The following KANSL1 variants were observed in gnomAD, a reference collection of about 807,000 sequenced individuals.
KANSL1 encodes the protein KAT8 regulatory NSL complex subunit 1.
Under a neutral mutation model 103.6 loss-of-function variants are expected in KANSL1, and 22 were observed. The ratio of observed to expected loss-of-function variants is 0.21; its 90% CI spans 0.15 to 0.30. The LOEUF (loss-of-function observed/expected upper bound fraction) is 0.30, where lower values mean the gene tolerates loss of function less well. Ranked by LOEUF, KANSL1 falls within the 10% of genes least tolerant of loss-of-function variation. The pLI is 1.00. For synonymous variants in KANSL1, 600 were observed against 527.6 expected (o/e 1.14, Z -1.88); for missense variants, 1,337 against 1,399.8 (o/e 0.96, Z 0.72).
At chr17:46,041,496 A>T (rs2077312116) in intron 7 of KANSL1, 1 of 152,146 alleles carries the variant, frequency 6.6e-6, no homozygotes, top group Non-Finnish European at 1.5e-5. Flanking sequence ...ATCGGTAACC[A>T]CTTGGGGCAT....
At chr17:46,101,774 A>G (rs1049157534) in intron 2 of KANSL1, among the ~76,000 whole-genome samples, 11 of 148,242 alleles carry the variant, frequency 7.4e-5, no homozygotes, top group East Asian at 1.9e-4. Flanking sequence ...AAAAAAAAAA[A>G]AAAAAGAAAT....
At chr17:46,113,545 G>A (rs1316708153) in intron 2 of KANSL1, among the ~76,000 whole-genome samples, 2 of 152,024 alleles carry the variant, frequency 1.3e-5, no homozygotes, top group East Asian at 3.9e-4. Flanking sequence ...TATAAGTGGG[G>A]CAAACTGTTT....
intron 2 of KANSL1, chr17:46,170,622 T>G (rs2046234342): frequency 1.9e-6 from 1 of 514,376 alleles, no homozygotes; most frequent in Non-Finnish European, 3.4e-6. Flanking sequence ...TTTCTTAGAC[T>G]TCAAAAGGAA....
intron 6 of KANSL1, among the ~76,000 whole-genome samples, chr17:46,058,761 T>C (rs62060770): frequency 9.8e-6 from 1 of 101,766 alleles, no homozygotes; most frequent in African/African-American, 3.3e-5. Flanking sequence ...TCTCTCTCTC[T>C]CTCTCTCTCT....
intron 6 of KANSL1, among the ~76,000 whole-genome samples, chr17:46,062,954 G>A (rs1408918558): frequency 6.6e-6 from 1 of 152,132 alleles, no homozygotes; most frequent in Non-Finnish European, 1.5e-5. Flanking sequence ...GGAGAATGAG[G>A]CAGGAGAATC....
intron 2 of KANSL1, among the ~76,000 whole-genome samples, chr17:46,163,995 TC>T (rs1254470436): frequency 6.6e-6 from 1 of 152,258 alleles, no homozygotes; most frequent in African/African-American, 2.4e-5. Context: ...CCTTCAAGGT[TC>T]ATTTCTAACA....
chr17:46,050,726 A>T, intron 6 of KANSL1, 22 bp from the exon 7 acceptor site: 1 of 1,596,294 alleles, frequency 6.3e-7, no homozygotes, highest in Non-Finnish European at 8.6e-7. Flanking sequence ...GCCAAACAAA[A>T]CTGACAATTC....
chr17:46,077,007 T>TTAA (rs893211095), intron 4 of KANSL1, among the ~76,000 whole-genome samples: 1 of 152,152 alleles, frequency 6.6e-6, no homozygotes, highest in African/African-American at 2.4e-5. Context: ...TTCCATGCCT[T>TTAA]TAATTGCTTT....
chr17:46,031,846 A>C, intron 14 of KANSL1, 143 bp from the exon 15 acceptor site: 3 of 1,016,504 alleles, frequency 3.0e-6, no homozygotes, highest in Non-Finnish European at 4.3e-6. Context: ...CACCCCTCCT[A>C]GGGTATACCC....
chr17:46,207,135 C>T (rs2047995841), intron 1 of KANSL1, among the ~76,000 whole-genome samples: 1 of 152,132 alleles, frequency 6.6e-6, no homozygotes, highest in Admixed American at 6.5e-5. Flanking sequence ...ATTAGCCAGG[C>T]ATGGTGGCAC....
chr17:46,142,494 C>G (rs1034496610), intron 2 of KANSL1, among the ~76,000 whole-genome samples: 18 of 152,168 alleles, frequency 1.2e-4, no homozygotes, highest in Admixed American at 5.2e-4. Flanking sequence ...TAAGGGTGCA[C>G]TCCTGTGGTC....
chr17:46,139,244 T>C (rs2044299684), intron 2 of KANSL1, among the ~76,000 whole-genome samples: 2 of 151,118 alleles, frequency 1.3e-5, no homozygotes, highest in African/African-American at 2.4e-5. Flanking sequence ...TTTCTCATCC[T>C]CACAGGGCAT....
At chr17:46,190,615 G>T (rs1458971324) in intron 1 of KANSL1, among the ~76,000 whole-genome samples, 1 of 152,176 alleles carries the variant, frequency 6.6e-6, no homozygotes, top group Non-Finnish European at 1.5e-5. Context: ...CTCAAATGAG[G>T]TGGCCATCAG....
chr17:46,094,272 AT>A (rs2079528433), intron 3 of KANSL1: 1 of 359,576 alleles, frequency 2.8e-6, no homozygotes, highest in Non-Finnish European at 4.9e-6. Flanking sequence ...AATTTTTGTA[AT>A]TTTTGTAAAG....
chr17:46,047,167 G>T (rs1005720576), intron 7 of KANSL1, among the ~76,000 whole-genome samples: 1 of 152,122 alleles, frequency 6.6e-6, no homozygotes, highest in African/African-American at 2.4e-5. Flanking sequence ...ACAGCTAGGG[G>T]GTTTTGGTAA....
intron 2 of KANSL1, among the ~76,000 whole-genome samples, chr17:46,137,014 G>C (rs2044179580): frequency 6.6e-6 from 1 of 152,320 alleles, no homozygotes; most frequent in African/African-American, 2.4e-5. Flanking sequence ...CACTTCTCTT[G>C]AACACATGTT....
At chr17:46,077,843 C>T (rs561229240) in intron 4 of KANSL1, among the ~76,000 whole-genome samples, 108 of 152,302 alleles carry the variant, frequency 7.1e-4, no homozygotes, top group Middle Eastern at 6.8e-3. Context: ...CAGGCATGAG[C>T]CACCGTGCTC....
At chr17:46,055,336 G>A (rs1215871972) in intron 6 of KANSL1, among the ~76,000 whole-genome samples, 1 of 151,694 alleles carries the variant, frequency 6.6e-6, no homozygotes, top group Admixed American at 6.6e-5. Flanking sequence ...ATGGTGGCGG[G>A]CGCCTGTAAT....
At chr17:46,135,542 A>C in intron 2 of KANSL1, among the ~76,000 whole-genome samples, 1 of 119,076 alleles carries the variant, frequency 8.4e-6, no homozygotes, top group Non-Finnish European at 1.7e-5. Flanking sequence ...TCAACTATAC[A>C]TTTTTTTTTT....
Sources: allele counts gnomAD v4.1 joint callset (sites outside exome capture counted in the v4.1 genomes callset), GRCh38; gene constraint gnomAD v4.1.1; transcripts MANE v1.5; gene names NCBI Gene and HGNC (gene_info 2026-07-23, HGNC 2026-07-21).